Variants in STXBP5L observed in about 807,000 individuals in gnomAD.
STXBP5L encodes the protein syntaxin binding protein 5L.
STXBP5L carries 65 observed loss-of-function variants against 144.5 expected under a neutral mutation model. The observed-to-expected ratio is 0.45, with a 90% CI of 0.37 to 0.55. The LOEUF (loss-of-function observed/expected upper bound fraction) is 0.55. Ranked by LOEUF, STXBP5L falls within the 20% of genes least tolerant of loss-of-function variation. STXBP5L has a pLI of 0.00. For synonymous variants in STXBP5L, 505 were observed against 469.6 expected (o/e 1.08, Z -0.97); for missense variants, 1,298 against 1,405.5 (o/e 0.92, Z 1.22).
chr3:120,931,731 C>T (rs1053684232), intron 2 of STXBP5L, among the ~76,000 whole-genome samples: 1 of 152,104 alleles, frequency 6.6e-6, no homozygotes, highest in Admixed American at 6.5e-5. Context: ...GAGAAGGAAA[C>T]CAAACCACAA....
intron 9 of STXBP5L, among the ~76,000 whole-genome samples, chr3:121,171,055 G>A (rs765152430): frequency 9.2e-5 from 14 of 152,272 alleles, no homozygotes; most frequent in Non-Finnish European, 1.3e-4. Context: ...ATCAATAAAT[G>A]TAAACCATCA....
chr3:121,172,364 A>C (rs1237122787), intron 9 of STXBP5L, among the ~76,000 whole-genome samples: 3 of 152,260 alleles, frequency 2.0e-5, no homozygotes, highest in African/African-American at 7.2e-5. Context: ...GGGCTTCTGC[A>C]CATCAAAAGA....
chr3:121,322,801 C>A (rs1376402628), intron 20 of STXBP5L, among the ~76,000 whole-genome samples: 2 of 152,190 alleles, frequency 1.3e-5, no homozygotes, highest in Non-Finnish European at 2.9e-5. Context: ...AACTAATTTA[C>A]ATTCCCATCA....
chr3:120,975,957 T>G (rs1347258586), intron 3 of STXBP5L, among the ~76,000 whole-genome samples: 1 of 152,214 alleles, frequency 6.6e-6, no homozygotes, highest in Non-Finnish European at 1.5e-5. Context: ...AGTATTTTAT[T>G]GAGGATTTTT....
At chr3:120,960,559 C>G (rs1247173730) in intron 3 of STXBP5L, among the ~76,000 whole-genome samples, 1 of 152,174 alleles carries the variant, frequency 6.6e-6, no homozygotes, top group Non-Finnish European at 1.5e-5. Context: ...CACATATACA[C>G]CATGGAATAC....
At chr3:121,351,752 G>A (rs539846801) in intron 20 of STXBP5L, among the ~76,000 whole-genome samples, 1 of 152,190 alleles carries the variant, frequency 6.6e-6, no homozygotes, top group South Asian at 2.1e-4. Flanking sequence ...TTTTAGACAT[G>A]AAGTCCTTGC....
intron 7 of STXBP5L, among the ~76,000 whole-genome samples, chr3:121,134,120 G>T (rs2045128745): frequency 6.6e-6 from 1 of 152,102 alleles, no homozygotes; most frequent in South Asian, 2.1e-4. Context: ...TTACATTTAT[G>T]AAGGCTGGGG....
At chr3:121,313,497 C>T (rs1157759496) in intron 19 of STXBP5L, among the ~76,000 whole-genome samples, 1 of 55,094 alleles carries the variant, frequency 1.8e-5, no homozygotes, top group Admixed American at 1.8e-4. Flanking sequence ...GGGCTCCTCA[C>T]TTCCCAGTAG....
At chr3:121,365,649 G>T (rs1221319217) in intron 20 of STXBP5L, among the ~76,000 whole-genome samples, 1 of 151,250 alleles carries the variant, frequency 6.6e-6, no homozygotes, top group African/African-American at 2.4e-5. Flanking sequence ...TTAGTAATTT[G>T]ACTCTTCTCT....
At chr3:121,417,151 G>A (rs1337881414) in intron 25 of STXBP5L, among the ~76,000 whole-genome samples, 2 of 152,148 alleles carry the variant, frequency 1.3e-5, no homozygotes, top group Admixed American at 1.3e-4. Flanking sequence ...ATTAATGATT[G>A]CCAGGGGCTG....
At chr3:121,251,762 A>C (rs546385882) in intron 15 of STXBP5L, among the ~76,000 whole-genome samples, 15 of 152,310 alleles carry the variant, frequency 9.8e-5, no homozygotes, top group African/African-American at 2.9e-4. Flanking sequence ...TGCAATAAAC[A>C]CACAAGCAGA....
chr3:121,090,878 C>T lies in STXBP5L; in HGVS notation c.471-24047C>T, dbSNP rs975344138. On this transcript the variant is annotated intron_variant, in intron 5 of 26. Transcript: ENST00000471454. The stretch of plus-strand genomic sequence containing the variant: ...GTGACATGCTGGTGTGCTGCACCCA[C>T]TAACGTGTCATCTAGCATTAGGTAT... Among the ~76,000 whole-genome samples the T allele has an allele frequency of 3.9e-5, 6 of 151,952 alleles. No individual in the cohort carries two copies. The South Asian group carries it at 6.2e-4, about 16-fold the overall frequency.
chr3:121,334,959 A>C (rs1453437349), intron 20 of STXBP5L, among the ~76,000 whole-genome samples: 1 of 152,216 alleles, frequency 6.6e-6, no homozygotes, highest in Non-Finnish European at 1.5e-5. Flanking sequence ...GGCAAAGAGC[A>C]ATCAGGCAAA....
chr3:121,060,522 G>C (rs552055216), intron 5 of STXBP5L, among the ~76,000 whole-genome samples: 1 of 152,094 alleles, frequency 6.6e-6, no homozygotes, highest in Non-Finnish European at 1.5e-5. Context: ...TTTTTCTATT[G>C]TTTGGAATAG....
intron 9 of STXBP5L, among the ~76,000 whole-genome samples, chr3:121,177,761 C>A (rs1209435732): frequency 6.6e-6 from 1 of 152,150 alleles, no homozygotes; most frequent in African/African-American, 2.4e-5. Context: ...ATTTGATCTA[C>A]CAGTTTCACT....
At chr3:121,248,098 C>T (rs1358401531) in intron 14 of STXBP5L, among the ~76,000 whole-genome samples, 4 of 151,892 alleles carry the variant, frequency 2.6e-5, no homozygotes, top group African/African-American at 9.7e-5. Flanking sequence ...GACTCTTGCT[C>T]TGTTGGCCTG....
chr3:121,338,265 A>G (rs961633185), intron 20 of STXBP5L, among the ~76,000 whole-genome samples: 4 of 152,124 alleles, frequency 2.6e-5, no homozygotes, highest in Admixed American at 6.6e-5. Context: ...AACAAAACAA[A>G]AAGTTGGTTC....
At chr3:121,139,130 A>G (rs1219408181) in intron 7 of STXBP5L, among the ~76,000 whole-genome samples, 6 of 151,992 alleles carry the variant, frequency 3.9e-5, no homozygotes, top group Non-Finnish European at 7.4e-5. Context: ...TGGACACAAA[A>G]TTACATCTAT....
intron 3 of STXBP5L, among the ~76,000 whole-genome samples, chr3:121,019,882 A>G (rs1199722628): frequency 1.3e-5 from 2 of 152,170 alleles, no homozygotes. Context: ...CACCCCCAAA[A>G]GATCACACTA....
Sources: gnomAD v4.1 joint callset for allele counts (sites outside exome capture counted in the v4.1 genomes callset) on GRCh38, gnomAD v4.1.1 for gene constraint, MANE v1.5 for transcripts, NCBI Gene and HGNC (gene_info 2026-07-23, HGNC 2026-07-21) for gene names.